The following TTC39A variants were observed in gnomAD, a reference collection of about 807,000 sequenced individuals.
TTC39A encodes the protein tetratricopeptide repeat protein 39A.
Under a neutral mutation model 82.3 loss-of-function variants are expected in TTC39A, and 46 were observed. The ratio of observed to expected loss-of-function variants is 0.56; its 90% CI spans 0.44 to 0.71. The LOEUF is 0.71. Ranked by LOEUF, TTC39A falls within the 30% of genes least tolerant of loss-of-function variation. TTC39A has a pLI of 0.00. For missense variants in TTC39A, 543 were observed against 712.9 expected (o/e 0.76, Z 2.71); for synonymous variants, 254 against 275.2 (o/e 0.92, Z 0.76).
intron 1 of TTC39A, among the ~76,000 whole-genome samples, chr1:51,342,542 T>TC (rs1646049603): frequency 6.6e-6 from 1 of 151,920 alleles, no homozygotes; most frequent in African/African-American, 2.4e-5. Context: ...CACATCCCCA[T>TC]CCCCCCTGCC....
At chr1:51,310,076 C>T (rs1569888185) in intron 5 of TTC39A, among the ~76,000 whole-genome samples, 1 of 151,858 alleles carries the variant, frequency 6.6e-6, no homozygotes, top group Admixed American at 6.6e-5. Flanking sequence ...ACCAGCCTGG[C>T]CAACGTGGTG....
At position 51,309,343 on chromosome 1, in the gene TTC39A, G is replaced by T. The variant is rs776755642; in HGVS notation, c.424-18C>A. ...TTCTCGTCCTGCAGGAGGAAAAGAT[G>T]CTGACGGCCTGGCCCAGGTGGGCAG... On this transcript the variant is annotated intron_variant, in intron 5 of 17. Coordinates refer to ENST00000680483, the MANE Select transcript of TTC39A (RefSeq NM_001297663.2). 6.2e-7 allele frequency: 1 copy of T among 1,613,032 alleles called. No homozygotes were observed. Among genetic ancestry groups the T allele is most frequent in the East Asian group, 2.2e-5 (1 of 44,836 alleles).
intron 1 of TTC39A, among the ~76,000 whole-genome samples, chr1:51,339,138 T>C (rs140482901): frequency 2.4e-4 from 37 of 152,148 alleles, no homozygotes; most frequent in African/African-American, 7.5e-4. Flanking sequence ...GCAGACCCTG[T>C]AAGAGGGAAG....
intron 1 of TTC39A, among the ~76,000 whole-genome samples, chr1:51,323,875 T>C (rs1645616292): frequency 6.6e-6 from 1 of 152,214 alleles, no homozygotes; most frequent in Non-Finnish European, 1.5e-5. Flanking sequence ...AAACTAATTC[T>C]GCTCTTTCTT....
At chr1:51,306,213 T>C (rs1644862404) in intron 6 of TTC39A, 137 bp from the exon 7 acceptor site, 2 of 671,032 alleles carry the variant, frequency 3.0e-6, no homozygotes, top group Admixed American at 5.4e-5. Context: ...GAGCTGGTAT[T>C]TGAGGAATTT....
intron 1 of TTC39A, among the ~76,000 whole-genome samples, chr1:51,325,258 A>G (rs910167025): frequency 7.9e-5 from 12 of 152,134 alleles, no homozygotes; most frequent in Admixed American, 7.8e-4. Flanking sequence ...CCATCTCAAA[A>G]AAAAAAAAAA....
intron 6 of TTC39A, 117 bp downstream of exon 6, chr1:51,309,144 A>T: frequency 7.9e-7 from 1 of 1,270,132 alleles, no homozygotes; most frequent in Non-Finnish European, 1.1e-6. Flanking sequence ...ACAGCAGTCT[A>T]CTAGGTTCTG....
rs1337105656 is a variant in TTC39A at position 51,288,693 on chromosome 1, C to T, written c.1610+146G>A. 16 of 705,682 alleles carry T rather than the reference C, an allele frequency of 2.3e-5. No individual in the cohort carries two copies. The highest frequency in any genetic ancestry group is 5.7e-5 in the South Asian group (3 of 52,872). The allele number at this position is 705,682 out of a possible 1,614,324, so 43.7% of individuals were successfully genotyped here. On this transcript the variant is annotated intron_variant, in intron 17 of 17. Coordinates refer to ENST00000680483, the MANE Select transcript of TTC39A (RefSeq NM_001297663.2). The surrounding 1 kb of genome is among the most constrained non-coding windows in gnomAD (Gnocchi z 4.8). The stretch of plus-strand genomic sequence containing the variant: ...CCTATGACAGGCGAGAGCTGGATTC[C>T]GAGGGACACAGGTCCACCCTCTAGA...
In TTC39A at chr1:51,295,050, CCCT is replaced by C. The variant is rs554949952; in HGVS notation, c.1146-542_1146-540del. ...GGCCTCACCCACCAGCTCCATCCCACCCTCCTCCTATTTCTGCCACAGTCACCG... is the reference window on the plus strand; with the variant it reads ...GGCCTCACCCACCAGCTCCATCCCACCCTCCTATTTCTGCCACAGTCACCG... On this transcript the variant is annotated intron_variant, in intron 13 of 17. Coordinates refer to ENST00000680483, the MANE Select transcript of TTC39A (RefSeq NM_001297663.2). 4.1e-3 allele frequency among the ~76,000 whole-genome samples: 622 copies of C among 152,320 alleles called. 2 individuals are homozygous for C. Among genetic ancestry groups the C allele is most frequent in the Middle Eastern group, 0.014 (4 of 294 alleles).
At chr1:51,303,754 C>T (rs1444560194) in intron 8 of TTC39A, among the ~76,000 whole-genome samples, 1 of 152,246 alleles carries the variant, frequency 6.6e-6, no homozygotes, top group African/African-American at 2.4e-5. Context: ...TCAAACCCTC[C>T]ATGGCTCCCC....
At chr1:51,344,506 T>C (rs1242597976) in intron 1 of TTC39A, among the ~76,000 whole-genome samples, 2 of 152,168 alleles carry the variant, frequency 1.3e-5, no homozygotes, top group African/African-American at 4.8e-5. Flanking sequence ...GGACTGGGAC[T>C]GGAACCCAGG....
At chr1:51,330,680 CG>C, upstream of TTC39A, 1 of 947,018 alleles carries the variant, frequency 1.1e-6, no homozygotes, top group Non-Finnish European at 1.3e-6. The surrounding 1 kb of genome is among the most constrained non-coding windows in gnomAD (Gnocchi z 4.5). Flanking sequence ...CGCGGCGACC[CG>C]CGCTCCCGCA....
intron 5 of TTC39A, among the ~76,000 whole-genome samples, chr1:51,309,750 G>A (rs888796183): frequency 9.9e-5 from 15 of 152,148 alleles, no homozygotes; most frequent in African/African-American, 3.1e-4. Flanking sequence ...CAACGGAAAC[G>A]GATGGACAAG....
chr1:51,288,783 C>T lies in TTC39A; in HGVS notation c.1610+56G>A. 3 of 1,510,808 alleles carry T rather than the reference C, an allele frequency of 2.0e-6. No homozygotes were observed. The highest frequency in any genetic ancestry group is 2.7e-6 in the Non-Finnish European group (3 of 1,110,158). The allele number at this position is 1,510,808 out of a possible 1,614,324, so 93.6% of individuals were successfully genotyped here. On this transcript the variant is annotated intron_variant, in intron 17 of 17. Transcript: ENST00000680483. The surrounding 1 kb of genome is among the most constrained non-coding windows in gnomAD (Gnocchi z 4.8). The stretch of plus-strand genomic sequence containing the variant: ...TCTGGGCAACTCTGTCCCCAGCCAG[C>T]TCCTGAGCTGAGTTCAGAGGGAGCA...
intron 1 of TTC39A, among the ~76,000 whole-genome samples, chr1:51,338,116 C>G (rs1170254301): frequency 6.6e-6 from 1 of 152,130 alleles, no homozygotes; most frequent in African/African-American, 2.4e-5. Context: ...ATGAAAAAAG[C>G]AGAACACAAA....
upstream of TTC39A, chr1:51,330,767 C>G (rs747453493): frequency 6.7e-6 from 3 of 450,406 alleles, no homozygotes; most frequent in Non-Finnish European, 1.0e-5. This position sits in a 1 kb window ranked among gnomAD's most constrained non-coding sequence, Gnocchi z 4.5. Context: ...AGACACCGCC[C>G]GGGCCGGGAG....
chr1:51,303,159 A>C lies in TTC39A; in HGVS notation c.688T>G (p.Ser230Ala). 1 of 1,343,404 alleles carries C rather than the reference A, an allele frequency of 7.4e-7. No homozygotes were observed. The highest frequency in any genetic ancestry group is 1.5e-5 in the African/African-American group (1 of 65,842). 83.2% of individuals were successfully genotyped at this position (1,343,404 alleles called of 1,614,324 possible). The change falls in exon 9 of 18, where the codon TCA becomes GCA. Residue 230 changes from serine (S) to alanine (A), a missense_variant. Ser to Ala is a moderately conservative substitution (Grantham distance 99, BLOSUM62 1). Transcript: ENST00000680483. ...AGCACAGAGCGGAAGCTGTGCCCTGACGCTCCCTCCTCCAGCTGCAGCAGC... is the reference window on the plus strand; with the variant it reads ...AGCACAGAGCGGAAGCTGTGCCCTGCCGCTCCCTCCTCCAGCTGCAGCAGC... ...YGLLQLEEGA[S>A]GHSFRSVLCV...
At chr1:51,342,192 G>A (rs554635311) in intron 1 of TTC39A, among the ~76,000 whole-genome samples, 10 of 152,306 alleles carry the variant, frequency 6.6e-5, no homozygotes, top group South Asian at 2.1e-4. Flanking sequence ...ATGCATGGGC[G>A]TTAGGAACAG....
chr1:51,304,504 C>A (rs1644798410), intron 8 of TTC39A, among the ~76,000 whole-genome samples: 1 of 152,194 alleles, frequency 6.6e-6, no homozygotes, highest in Non-Finnish European at 1.5e-5. Flanking sequence ...GAGCTCCTAA[C>A]TTCCAGGCCA....
Sources: gnomAD v4.1 joint callset for allele counts (sites outside exome capture counted in the v4.1 genomes callset) on GRCh38, gnomAD v4.1.1 for gene constraint, Gnocchi (gnomAD v3.1) non-coding constraint, MANE v1.5 for transcripts, NCBI Gene and HGNC (gene_info 2026-07-23, HGNC 2026-07-21) for gene names.